Variants in TENM1 observed in about 807,000 individuals in gnomAD.
TENM1 encodes teneurin-1.
Under a neutral mutation model 174.8 loss-of-function variants are expected in TENM1, and 35 were observed. That is an observed-to-expected ratio of 0.20 (90% CI 0.15 to 0.27). The LOEUF (loss-of-function observed/expected upper bound fraction) is 0.27, where lower values mean the gene tolerates loss of function less well. TENM1 is among the 10% of genes least tolerant of loss of function. The pLI, the probability that TENM1 is intolerant of heterozygous loss-of-function variation, is 1.00. For synonymous variants in TENM1, 781 were observed against 798.7 expected (o/e 0.98, Z 0.37); for missense variants, 1,633 against 2,130.1 (o/e 0.77, Z 4.59).
the TENM1 span, among the ~76,000 whole-genome samples, chrX:125,105,788 G>A: frequency 9.0e-6 from 1 of 111,555 alleles, no homozygotes; most frequent in Non-Finnish European, 1.9e-5. Flanking sequence ...GGAAGAAGCA[G>A]GATGCCAGGA....
At chrX:125,106,665 T>A in the TENM1 span, among the ~76,000 whole-genome samples, 1 of 111,964 alleles carries the variant, frequency 8.9e-6, no homozygotes, top group Non-Finnish European at 1.9e-5. Context: ...CACCTCAGCC[T>A]CCCAAAGTGC....
the TENM1 span, among the ~76,000 whole-genome samples, chrX:125,091,557 A>G: frequency 9.0e-6 from 1 of 111,583 alleles, no homozygotes; most frequent in Non-Finnish European, 1.9e-5. Context: ...GGGGTATAAG[A>G]ACAGATGGCA....
intron 6 of TENM1, among the ~76,000 whole-genome samples, chrX:124,664,107 C>A (rs2148419227): frequency 9.0e-6 from 1 of 111,698 alleles, no homozygotes; most frequent in East Asian, 2.8e-4. Context: ...TGTTACACTC[C>A]CAACAATGTT....
At chrX:124,966,620 C>T (rs2058730474), upstream of TENM1, among the ~76,000 whole-genome samples, 1 of 106,194 alleles carries the variant, frequency 9.4e-6, no homozygotes, top group Non-Finnish European at 1.9e-5. Flanking sequence ...CGAGATCGCG[C>T]CACTGCACTC....
At chrX:124,997,488 G>C in the TENM1 span, among the ~76,000 whole-genome samples, 9 of 111,403 alleles carry the variant, frequency 8.1e-5, no homozygotes, top group Admixed American at 8.6e-4. Context: ...CAAATGTCAA[G>C]TATCGACAAA....
chrX:124,494,184 T>G (rs1455286071), intron 20 of TENM1, among the ~76,000 whole-genome samples: 1 of 112,184 alleles, frequency 8.9e-6, no homozygotes, highest in Non-Finnish European at 1.9e-5. Context: ...TTCATGTGTT[T>G]TAATTGGCTT....
chrX:124,716,566 A>C (rs779673455), intron 4 of TENM1, among the ~76,000 whole-genome samples: 2 of 112,325 alleles, frequency 1.8e-5, no homozygotes, highest in African/African-American at 6.5e-5. Flanking sequence ...CACCCACTAG[A>C]AATGTCCATT....
chrX:124,579,293 G>T (rs1359718386), intron 11 of TENM1, among the ~76,000 whole-genome samples: 1 of 111,819 alleles, frequency 8.9e-6, no homozygotes, highest in African/African-American at 3.2e-5. Context: ...TTACTTTTTT[G>T]ACTTTGGTTT....
chrX:124,404,972 CAA>C (rs2147673148), intron 27 of TENM1, 57 bp downstream of exon 30: 1 of 1,053,996 alleles, frequency 9.5e-7, no homozygotes, highest in South Asian at 1.9e-5. Flanking sequence ...AACAAACAAA[CAA>C]ACAAACAAAC....
At chrX:124,383,529 T>C in intron 30 of TENM1, 105 bp downstream of exon 33, 1 of 766,876 alleles carries the variant, frequency 1.3e-6, no homozygotes, top group Non-Finnish European at 1.9e-6. Flanking sequence ...GCGGGCTAAC[T>C]GTCAGGAAGA....
chrX:125,190,626 C>CA, the TENM1 span, among the ~76,000 whole-genome samples: 1 of 111,494 alleles, frequency 9.0e-6, no homozygotes, highest in African/African-American at 3.3e-5. Context: ...CTAAAACTGG[C>CA]ATATTCCTCT....
At chrX:124,747,023 G>A (rs187957115) in intron 3 of TENM1, among the ~76,000 whole-genome samples, 3 of 109,452 alleles carry the variant, frequency 2.7e-5, no homozygotes, top group African/African-American at 1.0e-4. Flanking sequence ...ATAGTGGCAC[G>A]TTCCTGTAGT....
chrX:124,612,058 C>T (rs1219980487), intron 11 of TENM1, among the ~76,000 whole-genome samples: 1 of 111,629 alleles, frequency 9.0e-6, no homozygotes, highest in East Asian at 2.8e-4. Context: ...GGAAAATGAT[C>T]CTTTTAAAGA....
rs1484230878 is a variant in TENM1, at chrX:124,750,560, G to T, written c.536-13363C>A. Among the ~76,000 whole-genome samples the T allele has an allele frequency of 2.7e-5, 3 of 110,990 alleles. No individual in the cohort carries two copies. In the Admixed American group the frequency reaches 2.9e-4, roughly 11 times the overall value. On this transcript the variant is annotated intron_variant, in intron 3 of 31. Transcript: ENST00000422452. The stretch of plus-strand genomic sequence containing the variant: ...ACATAACTGGTATGCTGTGAAAATG[G>T]ACTGTTTGAAAAAAAGAGTCATTAT...
At chrX:125,194,302 G>A in the TENM1 span, among the ~76,000 whole-genome samples, 1 of 111,052 alleles carries the variant, frequency 9.0e-6, no homozygotes, top group East Asian at 2.8e-4. Context: ...ATCAATTTCC[G>A]AGAATCATTG....
intron 10 of TENM1, among the ~76,000 whole-genome samples, chrX:124,644,186 C>CAT (rs1385895264): frequency 5.3e-5 from 5 of 95,002 alleles, no homozygotes; most frequent in Admixed American, 1.2e-4. Flanking sequence ...TATATATAGA[C>CAT]ATATATATAT....
At chrX:125,097,426 T>C in the TENM1 span, among the ~76,000 whole-genome samples, 1 of 111,864 alleles carries the variant, frequency 8.9e-6, no homozygotes, top group South Asian at 3.7e-4. Context: ...CATGTGTGTA[T>C]GTGAGTATGT....
intron 11 of TENM1, among the ~76,000 whole-genome samples, chrX:124,587,381 G>A (rs1185813439): frequency 5.6e-5 from 6 of 106,973 alleles, no homozygotes; most frequent in African/African-American, 1.4e-4. Context: ...CAGAAATAAT[G>A]CCACATATCT....
chrX:125,032,212 C>T, the TENM1 span, among the ~76,000 whole-genome samples: 1 of 109,050 alleles, frequency 9.2e-6, no homozygotes, highest in East Asian at 2.9e-4. Context: ...TCTTGTTGCC[C>T]AGGCTGGAGT....
Sources: gnomAD v4.1 joint callset for allele counts (sites outside exome capture counted in the v4.1 genomes callset) on GRCh38, gnomAD v4.1.1 for gene constraint, MANE v1.5 for transcripts, NCBI Gene and HGNC (gene_info 2026-07-23, HGNC 2026-07-21) for gene names.